NFE2L2: variants seen among roughly 807,000 people sequenced by gnomAD.
NFE2L2 encodes NFE2 like bZIP transcription factor 2.
In NFE2L2, 20 loss-of-function variants were observed where a neutral mutation model predicts 49.6. That is an observed-to-expected ratio of 0.40 (90% CI 0.28 to 0.59). The LOEUF (loss-of-function observed/expected upper bound fraction) is 0.59, where lower values mean the gene tolerates loss of function less well. NFE2L2 is among the 20% of genes least tolerant of loss of function. The pLI, the probability that NFE2L2 is intolerant of heterozygous loss-of-function variation, is 0.40. For missense variants in NFE2L2, 578 were observed against 714.2 expected, an observed-to-expected ratio of 0.81 and a Z score of 2.17; for synonymous variants, 244 against 256.5, an observed-to-expected ratio of 0.95 and a Z score of 0.47.
In NFE2L2 at chr2:177,247,660, A is replaced by G. The variant is rs1292434426; in HGVS notation, c.46-13389T>C. The stretch of plus-strand genomic sequence containing the variant: ...CCATTGCACTCCAACCTGGGCAACA[A>G]GAGCAAAACTCTGCCCCACCCCGCA... On this transcript the variant is annotated intron_variant, in intron 1 of 4. Coordinates refer to ENST00000397062, the MANE Select transcript of NFE2L2 (RefSeq NM_006164.5). 6.6e-5 allele frequency among the ~76,000 whole-genome samples: 10 copies of G among 150,950 alleles called. No individual in the cohort carries two copies. In the East Asian group the frequency reaches 1.7e-3, roughly 26 times the overall value.
chr2:177,235,771 G>A (rs1043383825), intron 1 of NFE2L2, among the ~76,000 whole-genome samples: 3 of 152,134 alleles, frequency 2.0e-5, no homozygotes, highest in Non-Finnish European at 4.4e-5. Flanking sequence ...AGGCCATGGT[G>A]AGCTGTGATT....
At chr2:177,250,161 T>C (rs533541778) in intron 1 of NFE2L2, among the ~76,000 whole-genome samples, 17 of 152,376 alleles carry the variant, frequency 1.1e-4, no homozygotes, top group African/African-American at 3.4e-4. Context: ...ATGGATCATT[T>C]TGATGTTATT....
intron 4 of NFE2L2, 27 bp from the exon 5 acceptor site, chr2:177,232,035 A>G: frequency 1.3e-6 from 2 of 1,544,586 alleles, no homozygotes; most frequent in Non-Finnish European, 1.7e-6. Flanking sequence ...TTTATACTAT[A>G]TAAATCAAAG....
intron 1 of NFE2L2, among the ~76,000 whole-genome samples, chr2:177,248,597 C>T (rs1361387729): frequency 6.6e-6 from 1 of 152,176 alleles, no homozygotes; most frequent in East Asian, 1.9e-4. Flanking sequence ...TTAGTAGAGA[C>T]AGGGTTTCTC....
chr2:177,258,603 G>A lies in NFE2L2; in HGVS notation c.45+5929C>T, dbSNP rs370040555. The stretch of plus-strand genomic sequence containing the variant: ...ATTAAATGGGTAAATTGTAAGGTAC[G>A]TAAATTGTATCTTACTTTAAAATAC... On this transcript the variant is annotated intron_variant, in intron 1 of 4. Coordinates refer to ENST00000397062, the MANE Select transcript of NFE2L2 (RefSeq NM_006164.5). 2.0e-5 allele frequency among the ~76,000 whole-genome samples: 3 copies of A among 151,958 alleles called. No individual in the cohort carries two copies. The East Asian group carries it at 5.8e-4, about 29-fold the overall frequency.
At chr2:177,252,308 G>C (rs537918045) in intron 1 of NFE2L2, among the ~76,000 whole-genome samples, 11 of 152,296 alleles carry the variant, frequency 7.2e-5, no homozygotes, top group African/African-American at 2.6e-4. Context: ...AGAGCACTTT[G>C]TACCGTGCCC....
intron 1 of NFE2L2, among the ~76,000 whole-genome samples, chr2:177,248,485 C>T (rs527378875): frequency 6.6e-6 from 1 of 152,162 alleles, no homozygotes; most frequent in Non-Finnish European, 1.5e-5. Flanking sequence ...TCTCAGCTCA[C>T]CGCAACCGCC....
At chr2:177,251,997 T>A (rs1690357760) in intron 1 of NFE2L2, among the ~76,000 whole-genome samples, 1 of 49,054 alleles carries the variant, frequency 2.0e-5, no homozygotes. Flanking sequence ...TGAGACTCTG[T>A]CTCAAAAAAA....
chr2:177,232,735 T>G (rs1574258714), intron 3 of NFE2L2, 152 bp from the exon 4 acceptor site: 1 of 710,096 alleles, frequency 1.4e-6, no homozygotes, highest in East Asian at 2.7e-5. Context: ...ATAACAAATC[T>G]TTTTTTCCTA....
intron 1 of NFE2L2, among the ~76,000 whole-genome samples, chr2:177,264,160 C>T (rs1558995230): frequency 6.6e-6 from 1 of 152,154 alleles, no homozygotes; most frequent in Non-Finnish European, 1.5e-5. Flanking sequence ...CGGCCAGCGT[C>T]CGCCCCCTCT....
intron 1 of NFE2L2, among the ~76,000 whole-genome samples, chr2:177,262,712 T>C (rs1690783796): frequency 6.6e-6 from 1 of 152,120 alleles, no homozygotes; most frequent in African/African-American, 2.4e-5. Context: ...GAATGTTATA[T>C]TACACAGCAA....
chr2:177,232,649 C>T, intron 3 of NFE2L2, 66 bp from the exon 4 acceptor site: 1 of 1,507,010 alleles, frequency 6.6e-7, no homozygotes, highest in East Asian at 2.4e-5. Context: ...CTCTAAGGCA[C>T]CACTACAAAA....
Position 177,231,734 on chromosome 2 carries a change from A to C in NFE2L2, c.869T>G (p.Ile290Arg). 1 of 1,614,236 alleles carries C rather than the reference A, an allele frequency of 6.2e-7. No homozygotes were observed. Among genetic ancestry groups the C allele is most frequent in the Non-Finnish European group, 8.5e-7 (1 of 1,180,034 alleles). Reference protein sequence around the residue: ...DFGDEFYSAFIAEPSISNSMP... With the variant: ...DFGDEFYSAFRAEPSISNSMP... ...GCTGTTGCTGATACTGGGCTCAGCTATGAAAGCAGAATAAAATTCATCACC... is the reference window on the plus strand; with the variant it reads ...GCTGTTGCTGATACTGGGCTCAGCTCTGAAAGCAGAATAAAATTCATCACC... The change falls in exon 5 of 5, where the codon ATA becomes AGA. Residue 290 changes from isoleucine to arginine, a missense_variant. Physicochemically the swap from Ile to Arg is moderately conservative, Grantham distance 97. Around this residue, in one of 3 missense-constraint regions of NFE2L2, gnomAD observed 368 missense variants for 384.6 expected, o/e 0.96. Transcript: ENST00000397062.
intron 1 of NFE2L2, among the ~76,000 whole-genome samples, chr2:177,252,069 T>C (rs964488280): frequency 6.6e-6 from 1 of 151,762 alleles, no homozygotes; most frequent in Non-Finnish European, 1.5e-5. Flanking sequence ...CAACCACCAT[T>C]TGCTGAAGGT....
intron 1 of NFE2L2, among the ~76,000 whole-genome samples, chr2:177,259,979 T>G (rs1044465163): frequency 1.3e-5 from 2 of 152,194 alleles, no homozygotes; most frequent in South Asian, 4.1e-4. Context: ...ATGTTAATAT[T>G]TAATATTATA....
chr2:177,264,493 C>T, intron 1 of NFE2L2, 39 bp downstream of exon 1: 1 of 1,517,260 alleles, frequency 6.6e-7, no homozygotes, highest in Non-Finnish European at 8.8e-7. Flanking sequence ...CCGCCCCCGT[C>T]CCGGCACCAC....
chr2:177,254,803 T>C (rs1381341909), intron 1 of NFE2L2, among the ~76,000 whole-genome samples: 1 of 152,162 alleles, frequency 6.6e-6, no homozygotes, highest in Non-Finnish European at 1.5e-5. Context: ...TTATGGACAG[T>C]CAAAATCCCA....
rs1689519802 is a variant in NFE2L2 at position 177,230,926 on chromosome 2, G to T, written c.1677C>A (p.Thr559=). 7 of 1,613,492 alleles carry T rather than the reference G, an allele frequency of 4.3e-6. No individual in the cohort carries two copies. The highest frequency in any genetic ancestry group is 5.9e-6 in the Non-Finnish European group (7 of 1,179,874). The change falls in exon 5 of 5, where the codon ACC becomes ACA. Residue 559 remains threonine, a synonymous_variant. Transcript: ENST00000397062. ...SLHLLKKQLS[T]LYLEVFSMLR... ...GCATGCTGAAAACTTCGAGATATAA[G>T]GTGCTGAGTTGTTTTTTCAGTAGGT...
intron 1 of NFE2L2, among the ~76,000 whole-genome samples, chr2:177,239,447 C>T (rs1201621166): frequency 1.3e-5 from 2 of 152,132 alleles, no homozygotes; most frequent in African/African-American, 2.4e-5. Context: ...GAGGCCGAGG[C>T]GGGCAGATCG....
Sources: allele counts gnomAD v4.1 joint callset (sites outside exome capture counted in the v4.1 genomes callset), GRCh38; gene constraint gnomAD v4.1.1; regional missense constraint gnomAD v4.1.1; transcripts MANE v1.5; gene names NCBI Gene and HGNC (gene_info 2026-07-23, HGNC 2026-07-21).